ABTB2: variants seen among roughly 807,000 people sequenced by gnomAD.
ABTB2 encodes ankyrin repeat and BTB/POZ domain-containing protein 2.
A neutral mutation model predicts 104.1 loss-of-function variants in ABTB2; 56 were observed. The ratio of observed to expected loss-of-function variants is 0.54; its 90% CI spans 0.43 to 0.67. The LOEUF is 0.67. Ranked by LOEUF, ABTB2 falls within the 30% of genes least tolerant of loss-of-function variation. ABTB2 has a pLI of 0.00. For synonymous variants in ABTB2, 606 were observed against 608.2 expected (o/e 1.00, Z 0.05); for missense variants, 1,279 against 1,407.7 (o/e 0.91, Z 1.46).
rs185053582 is a variant in ABTB2, at chr11:34,164,540, T to G, written c.1988+146A>C. The G allele has an allele frequency of 4.8e-5, 47 of 970,216 alleles. No individual in the cohort carries two copies. In the Admixed American group the frequency reaches 7.5e-4, roughly 16 times the overall value. The allele number at this position is 970,216 out of a possible 1,614,324, so 60.1% of individuals were successfully genotyped here. On this transcript the variant is annotated intron_variant, in intron 9 of 16. Coordinates refer to ENST00000435224, the MANE Select transcript of ABTB2 (RefSeq NM_145804.3). The stretch of plus-strand genomic sequence containing the variant: ...GCCCTGTGCAGGCTAAACTCCCCCA[T>G]GTTTCTGGTTTACTAGCACACAGGC...
chr11:34,160,227 G>C (rs1326949664), intron 12 of ABTB2, 21 bp downstream of exon 12: 9 of 1,581,686 alleles, frequency 5.7e-6, no homozygotes, highest in Non-Finnish European at 7.8e-6. Context: ...GTGATGCAGG[G>C]CGCAGGGGGC....
chr11:34,249,706 G>A (rs985698629), intron 1 of ABTB2, among the ~76,000 whole-genome samples: 3 of 152,208 alleles, frequency 2.0e-5, no homozygotes, highest in African/African-American at 4.8e-5. Flanking sequence ...GTGCCGTGGT[G>A]TAATCACAGC....
At chr11:34,293,718 C>T (rs1854588730) in intron 1 of ABTB2, among the ~76,000 whole-genome samples, 1 of 151,648 alleles carries the variant, frequency 6.6e-6, no homozygotes, top group Admixed American at 6.6e-5. Flanking sequence ...GTAAGGAAAA[C>T]AAGGTAAATT....
At chr11:34,219,845 G>A (rs1476448588) in intron 1 of ABTB2, among the ~76,000 whole-genome samples, 1 of 152,176 alleles carries the variant, frequency 6.6e-6, no homozygotes, top group African/African-American at 2.4e-5. Context: ...ACCTATCCCT[G>A]TCATTAAGCA....
intron 14 of ABTB2, among the ~76,000 whole-genome samples, chr11:34,158,682 C>T (rs1852665805): frequency 6.6e-6 from 1 of 152,232 alleles, no homozygotes; most frequent in African/African-American, 2.4e-5. Context: ...AGGTCTTCCT[C>T]TGGACCTTGT....
chr11:34,356,713 T>G lies in ABTB2; in HGVS notation c.871A>C (p.Lys291Gln). 6.3e-7 allele frequency: 1 copy of G among 1,590,246 alleles called. No individual in the cohort carries two copies. Among genetic ancestry groups the G allele is most frequent in the Non-Finnish European group, 8.6e-7 (1 of 1,162,054 alleles). ...LQPYEHLICG[K>Q]NANGVLSLPA... ...CCCGCGCGCTTACCATTGGCGTTCT[T>G]GCCGCAGATGAGATGCTCATAGGGC... is the stretch of plus-strand genomic sequence containing the variant. The change falls in exon 1 of 17, where the codon AAG becomes CAG. Residue 291 changes from lysine to glutamine, a missense_variant. Physicochemically the swap from Lys to Gln is moderately conservative, Grantham distance 53. Transcript: ENST00000435224. This position sits in a 1 kb window ranked among gnomAD's most constrained non-coding sequence, Gnocchi z 4.6.
At chr11:34,257,738 C>T (rs890701996) in intron 1 of ABTB2, among the ~76,000 whole-genome samples, 1 of 152,176 alleles carries the variant, frequency 6.6e-6, no homozygotes, top group South Asian at 2.1e-4. Context: ...CAGGCGTACA[C>T]CACCACATCT....
intron 14 of ABTB2, among the ~76,000 whole-genome samples, chr11:34,158,843 C>T (rs1018600881): frequency 6.6e-6 from 1 of 152,214 alleles, no homozygotes; most frequent in Non-Finnish European, 1.5e-5. Context: ...GGAGAAGTGA[C>T]GCAGCCTCCA....
intron 1 of ABTB2, among the ~76,000 whole-genome samples, chr11:34,325,181 G>T (rs1191542465): frequency 6.6e-6 from 1 of 152,104 alleles, no homozygotes; most frequent in Non-Finnish European, 1.5e-5. Context: ...ACACAAAGAA[G>T]ATATCCTATG....
Position 34,357,663 on chromosome 11 carries a change from A to C in ABTB2, c.-80T>G. The C allele has an allele frequency of 5.1e-6, 7 of 1,364,698 alleles. No homozygotes were observed. Among genetic ancestry groups the C allele is most frequent in the Non-Finnish European group, 6.7e-6 (7 of 1,048,586 alleles). 84.5% of individuals were successfully genotyped at this position (1,364,698 alleles called of 1,614,324 possible). A position where few individuals can be genotyped will look rare whatever the true frequency, so the allele number is the denominator to read the frequency against. ...CCTCTTTCCCAAGTGGGCAGAAACA[A>C]GCTCTAGGCCCTCCGGGCCACCCTC... On this transcript the variant is annotated 5_prime_UTR_variant, in exon 1 of 17. Coordinates refer to ENST00000435224, the MANE Select transcript of ABTB2 (RefSeq NM_145804.3).
At chr11:34,168,366 T>C (rs1263139102) in intron 5 of ABTB2, among the ~76,000 whole-genome samples, 1 of 152,234 alleles carries the variant, frequency 6.6e-6, no homozygotes, top group Non-Finnish European at 1.5e-5. Flanking sequence ...CAAAGGGTTG[T>C]TGTAGAGTGT....
intron 1 of ABTB2, among the ~76,000 whole-genome samples, chr11:34,309,066 G>T (rs909179253): frequency 6.6e-6 from 1 of 152,122 alleles, no homozygotes; most frequent in East Asian, 1.9e-4. Context: ...TTCAGCAGAG[G>T]CAGATTTACT....
At chr11:34,262,709 A>G (rs1854202277) in intron 1 of ABTB2, among the ~76,000 whole-genome samples, 2 of 152,154 alleles carry the variant, frequency 1.3e-5, no homozygotes, top group South Asian at 4.1e-4. Flanking sequence ...AAGCTCAAAT[A>G]AAGGGCCATT....
chr11:34,287,174 T>C (rs2133090487), intron 1 of ABTB2, among the ~76,000 whole-genome samples: 1 of 147,018 alleles, frequency 6.8e-6, no homozygotes, highest in East Asian at 2.0e-4. Context: ...TAGTAAGACC[T>C]TGTCTTTATT....
At chr11:34,303,575 GA>G (rs34186301) in intron 1 of ABTB2, among the ~76,000 whole-genome samples, 4 of 147,266 alleles carry the variant, frequency 2.7e-5, no homozygotes, top group Admixed American at 1.4e-4. Flanking sequence ...TAACTTAAAT[GA>G]AAAAAAATAG....
At chr11:34,225,108 C>A (rs7110239) in intron 1 of ABTB2, among the ~76,000 whole-genome samples, 4,771 of 152,248 alleles carry the variant, frequency 0.031, 263 homozygotes, top group African/African-American at 0.11. Context: ...TTCTGACTTC[C>A]GATGGCATTA....
intron 1 of ABTB2, among the ~76,000 whole-genome samples, chr11:34,283,579 G>A (rs1432541066): frequency 6.6e-6 from 1 of 152,134 alleles, no homozygotes; most frequent in Non-Finnish European, 1.5e-5. Context: ...AGTATATATT[G>A]AGAAAAAATA....
chr11:34,168,475 T>C (rs935595517), intron 5 of ABTB2, among the ~76,000 whole-genome samples: 6 of 152,222 alleles, frequency 3.9e-5, no homozygotes. Flanking sequence ...TACTATGCCA[T>C]ACAGCCTCAT....
At position 34,297,792 on chromosome 11, in the gene ABTB2, A is replaced by AACC. The variant is rs1554923788; in HGVS notation, c.883+58908_883+58909insGGT. 1.6e-3 allele frequency among the ~76,000 whole-genome samples: 115 copies of AACC among 73,556 alleles called. 1 individual carries two copies. Among genetic ancestry groups the AACC allele is most frequent in the Middle Eastern group, 6.8e-3 (1 of 146 alleles). 48.3% of individuals were successfully genotyped at this position (73,556 alleles called of 152,430 possible). A position where few individuals can be genotyped will look rare whatever the true frequency, so the allele number is the denominator to read the frequency against. ...AAAAAAAAAAAAAAAAAATAAAAAT[A>AACC]AAGGAAAGAAAAAGAAAAAAACAAA... On this transcript the variant is annotated intron_variant, in intron 1 of 16. Coordinates refer to ENST00000435224, the MANE Select transcript of ABTB2 (RefSeq NM_145804.3).
Sources: allele counts gnomAD v4.1 joint callset (sites outside exome capture counted in the v4.1 genomes callset), GRCh38; gene constraint gnomAD v4.1.1; non-coding constraint Gnocchi (gnomAD v3.1); transcripts MANE v1.5; gene names NCBI Gene and HGNC (gene_info 2026-07-23, HGNC 2026-07-21).